HPSE2: variants seen among roughly 807,000 people sequenced by gnomAD.
HPSE2 encodes the protein heparanase 2 (inactive).
HPSE2 carries 38 observed loss-of-function variants against 60.5 expected under a neutral mutation model. That is an observed-to-expected ratio of 0.63 (90% CI 0.48 to 0.82). HPSE2 has a LOEUF of 0.82. Among genes scored for constraint, HPSE2 ranks in the 40% least tolerant of loss-of-function variants. The pLI is 0.00. For synonymous variants in HPSE2, 295 were observed against 293.2 expected (o/e 1.01, Z -0.06); for missense variants, 713 against 740.4 (o/e 0.96, Z 0.43).
In HPSE2 at chr10:98,818,269, G is replaced by A. The variant is rs541747357; in HGVS notation, c.611-74213C>T. ...CCCAATCTTTTTGACACCAGGGACC[G>A]GTTTCTTGGAAGACAATTTTTTCCA... On this transcript the variant is annotated intron_variant, in intron 3 of 11. Transcript: ENST00000370552. Among the ~76,000 whole-genome samples, 6 of 152,254 alleles carry A rather than the reference G, an allele frequency of 3.9e-5. No homozygotes were observed. The South Asian group carries it at 6.2e-4, about 16-fold the overall frequency.
chr10:98,540,915 T>C (rs1018830567), intron 9 of HPSE2, among the ~76,000 whole-genome samples: 12 of 152,110 alleles, frequency 7.9e-5, no homozygotes, highest in Non-Finnish European at 1.0e-4. Flanking sequence ...AAGACTATAA[T>C]ATAAACTGTA....
intron 2 of HPSE2, among the ~76,000 whole-genome samples, chr10:99,184,819 T>TATATAG (rs1554912295): frequency 4.5e-4 from 9 of 19,860 alleles, no homozygotes; most frequent in East Asian, 1.9e-3. Flanking sequence ...TATATATATA[T>TATATAG]AGAGAGAGAG....
At chr10:98,607,474 G>A (rs1056309206) in intron 9 of HPSE2, among the ~76,000 whole-genome samples, 1 of 152,120 alleles carries the variant, frequency 6.6e-6, no homozygotes, top group Non-Finnish European at 1.5e-5. Flanking sequence ...GGCTTATTGG[G>A]CCATTTATAA....
intron 6 of HPSE2, among the ~76,000 whole-genome samples, 173 bp downstream of exon 6, chr10:98,693,727 T>G (rs1180521109): frequency 2.0e-5 from 3 of 152,246 alleles, no homozygotes; most frequent in Non-Finnish European, 4.4e-5. Flanking sequence ...AACAAAATTA[T>G]AGTACTATGA....
At chr10:99,276,167 A>G in the HPSE2 span, among the ~76,000 whole-genome samples, 1 of 152,268 alleles carries the variant, frequency 6.6e-6, no homozygotes, top group South Asian at 2.1e-4. Context: ...GAATTATTAC[A>G]TATAAATACA....
intron 6 of HPSE2, among the ~76,000 whole-genome samples, chr10:98,644,537 G>C (rs1403681188): frequency 1.3e-5 from 2 of 152,188 alleles, no homozygotes; most frequent in African/African-American, 4.8e-5. Context: ...AGACCTTACT[G>C]GTCAGCTGGC....
chr10:98,971,147 A>G (rs1955942124), intron 3 of HPSE2, among the ~76,000 whole-genome samples: 1 of 152,222 alleles, frequency 6.6e-6, no homozygotes, highest in Non-Finnish European at 1.5e-5. Flanking sequence ...TTATTCATTA[A>G]ATTAACAAAC....
At chr10:98,490,330 T>C (rs1441933933) in intron 9 of HPSE2, 134 bp from the exon 10 acceptor site, 4 of 1,140,556 alleles carry the variant, frequency 3.5e-6, no homozygotes, top group Non-Finnish European at 5.1e-6. Flanking sequence ...TCATGAGTCA[T>C]GACCAATGCA....
intron 3 of HPSE2, among the ~76,000 whole-genome samples, chr10:98,980,468 T>C (rs1193330248): frequency 6.6e-6 from 1 of 152,154 alleles, no homozygotes; most frequent in Non-Finnish European, 1.5e-5. Flanking sequence ...GGATGTCTCA[T>C]GGTCAGAGCA....
chr10:99,161,040 A>T (rs1432307316), intron 2 of HPSE2, among the ~76,000 whole-genome samples: 1 of 151,962 alleles, frequency 6.6e-6, no homozygotes, highest in Non-Finnish European at 1.5e-5. Flanking sequence ...GGGCAACATA[A>T]GGAGTCCCCA....
rs192669387 is a variant in HPSE2, at chr10:98,469,486, G to A, written c.1614-9747C>T. On this transcript the variant is annotated intron_variant, in intron 11 of 11. Coordinates refer to ENST00000370552, the MANE Select transcript of HPSE2 (RefSeq NM_021828.5). The stretch of plus-strand genomic sequence containing the variant: ...AAGGGGCATTATTCATAGTTCCATC[G>A]TTCTTTTCATTGTACCAATTAAATT... Among the ~76,000 whole-genome samples, 7 of 152,244 alleles carry A rather than the reference G, an allele frequency of 4.6e-5. No individual in the cohort carries two copies. In the South Asian group the frequency reaches 6.2e-4, roughly 14 times the overall value.
intron 3 of HPSE2, among the ~76,000 whole-genome samples, chr10:98,745,581 T>C (rs928258033): frequency 2.0e-5 from 3 of 152,206 alleles, no homozygotes; most frequent in Admixed American, 2.0e-4. Flanking sequence ...GTCAGCCAGT[T>C]TATTTGTTAG....
At chr10:98,647,518 G>A (rs545005190) in intron 6 of HPSE2, among the ~76,000 whole-genome samples, 27 of 152,310 alleles carry the variant, frequency 1.8e-4, no homozygotes, top group Middle Eastern at 3.4e-3. Context: ...CCAGCCTGCT[G>A]ACTGGGCAGG....
intron 9 of HPSE2, among the ~76,000 whole-genome samples, chr10:98,605,267 T>C (rs1175879461): frequency 6.6e-6 from 1 of 152,110 alleles, no homozygotes; most frequent in African/African-American, 2.4e-5. Flanking sequence ...GGATAATGAG[T>C]GAACAAGACA....
intron 3 of HPSE2, among the ~76,000 whole-genome samples, chr10:98,917,370 C>A (rs1354150615): frequency 6.6e-6 from 1 of 152,088 alleles, no homozygotes; most frequent in East Asian, 1.9e-4. Context: ...AAGTTGGCAT[C>A]ATCAGATTCA....
intron 3 of HPSE2, among the ~76,000 whole-genome samples, chr10:98,827,718 T>A (rs934455036): frequency 4.6e-5 from 7 of 152,170 alleles, no homozygotes; most frequent in African/African-American, 1.7e-4. Flanking sequence ...TGGTAAAAAT[T>A]CATAGTTAAA....
intron 9 of HPSE2, among the ~76,000 whole-genome samples, chr10:98,580,170 C>T (rs1296495944): frequency 6.6e-6 from 1 of 152,032 alleles, no homozygotes; most frequent in African/African-American, 2.4e-5. Flanking sequence ...GTTTCAGTAC[C>T]TTCTATTTAT....
At chr10:98,560,656 C>T (rs1176521210) in intron 9 of HPSE2, among the ~76,000 whole-genome samples, 1 of 152,214 alleles carries the variant, frequency 6.6e-6, no homozygotes, top group Non-Finnish European at 1.5e-5. Flanking sequence ...CACAGTTGAA[C>T]AGCCATTTCC....
At chr10:98,923,709 T>C (rs1281024218) in intron 3 of HPSE2, among the ~76,000 whole-genome samples, 1 of 152,094 alleles carries the variant, frequency 6.6e-6, no homozygotes, top group African/African-American at 2.4e-5. Flanking sequence ...CTTCAGCATG[T>C]CAACTACAGT....
Sources: allele counts gnomAD v4.1 joint callset (sites outside exome capture counted in the v4.1 genomes callset), GRCh38; gene constraint gnomAD v4.1.1; transcripts MANE v1.5; gene names NCBI Gene and HGNC (gene_info 2026-07-23, HGNC 2026-07-21).